LMO7: variants seen among roughly 807,000 people sequenced by gnomAD.
LMO7 encodes LIM domain 7, also known as LIM domain only protein 7.
LMO7 carries 120 observed loss-of-function variants against 206.5 expected under a neutral mutation model. The ratio of observed to expected loss-of-function variants is 0.58; its 90% CI spans 0.50 to 0.68. LMO7 has a LOEUF of 0.68. Ranked by LOEUF, LMO7 falls within the 30% of genes least tolerant of loss-of-function variation. LMO7 has a pLI of 0.00. For missense variants in LMO7, 1,959 were observed against 1,957.9 expected, an observed-to-expected ratio of 1.00 and a Z score of -0.01; for synonymous variants, 706 against 681.5, an observed-to-expected ratio of 1.04 and a Z score of -0.56.
chr13:75,806,127 A>G, intron 9 of LMO7: 1 of 1,030,172 alleles, frequency 9.7e-7, no homozygotes, highest in Non-Finnish European at 1.2e-6. Context: ...TTAGTAGAGC[A>G]CAAAAAGCAG....
In LMO7 at chr13:75,671,506, C is replaced by T. The variant is rs559971092; in HGVS notation, c.69+34780C>T. Among the ~76,000 whole-genome samples, 208 of 152,192 alleles carry T rather than the reference C, an allele frequency of 1.4e-3. 1 individual carries two copies. The highest frequency in any genetic ancestry group is 0.01 in the Middle Eastern group (3 of 292). ...GTGGTTTTGACCAGAACATCTTTATCCGGCGTGTGATTACTTTTCTGTCTC... is the reference window on the plus strand; with the variant it reads ...GTGGTTTTGACCAGAACATCTTTATTCGGCGTGTGATTACTTTTCTGTCTC... On this transcript the variant is annotated intron_variant, in intron 1 of 30. Transcript: ENST00000377534.
chr13:75,626,197 T>G (rs960202685), intron 2 of LMO7, among the ~76,000 whole-genome samples: 2 of 152,100 alleles, frequency 1.3e-5, no homozygotes, highest in African/African-American at 4.8e-5. Context: ...AAACATGAGA[T>G]CTACTGTATT....
intron 1 of LMO7, among the ~76,000 whole-genome samples, chr13:75,641,151 G>A (rs188321145): frequency 2.6e-5 from 4 of 152,302 alleles, no homozygotes; most frequent in South Asian, 2.1e-4. Flanking sequence ...AAGTTCATCC[G>A]GTGCATCGTG....
intron 1 of LMO7, among the ~76,000 whole-genome samples, chr13:75,675,036 T>C (rs972799071): frequency 6.6e-6 from 1 of 152,184 alleles, no homozygotes; most frequent in Non-Finnish European, 1.5e-5. Context: ...TCAGGTTAAA[T>C]TATAACAGAA....
exon 1 of LMO7, chr13:75,621,741 G>A (rs927070917): frequency 6.2e-7 from 1 of 1,608,970 alleles, no homozygotes; most frequent in African/African-American, 1.3e-5. Context: ...ACAGTTGGAT[G>A]TCCTATGATG....
intron 1 of LMO7, among the ~76,000 whole-genome samples, chr13:75,656,155 ACTGTGGGG>A (rs1464538360): frequency 2.0e-5 from 3 of 152,116 alleles, no homozygotes; most frequent in African/African-American, 7.2e-5. Context: ...GCAAAGCCTT[ACTGTGGGG>A]CTCTTCCACT....
At chr13:75,773,287 G>C (rs761260261) in intron 4 of LMO7, among the ~76,000 whole-genome samples, 5 of 152,112 alleles carry the variant, frequency 3.3e-5, no homozygotes, top group Non-Finnish European at 7.4e-5. Flanking sequence ...ATGAGAGGTA[G>C]GTTGGGACAA....
chr13:75,711,654 C>T lies in LMO7; in HGVS notation c.70-1528C>T, dbSNP rs114031935. Among the ~76,000 whole-genome samples the T allele has an allele frequency of 5.3e-3, 812 of 152,308 alleles. 6 individuals carry two copies. Among genetic ancestry groups the T allele is most frequent in the African/African-American group, 0.019 (782 of 41,570 alleles). Reference sequence around the variant, plus strand: ...GCACCCACTCCCCAGTGAGAGGAAGCCAGTACCTCAGTCGGAAATGCAGAA... The same window carrying T: ...GCACCCACTCCCCAGTGAGAGGAAGTCAGTACCTCAGTCGGAAATGCAGAA... On this transcript the variant is annotated intron_variant, in intron 1 of 30. Transcript: ENST00000377534.
Position 75,859,761 on chromosome 13 carries a change from G to C in LMO7, c.*1818G>C, listed in dbSNP as rs1469419887. 2.6e-5 allele frequency: 4 copies of C among 152,146 alleles called. No individual in the cohort carries two copies. The highest frequency in any genetic ancestry group is 9.7e-5 in the African/African-American group (4 of 41,424). The allele number at this position is 152,146 out of a possible 1,614,324, so 9.4% of individuals were successfully genotyped here. A position where few individuals can be genotyped will look rare whatever the true frequency, so the allele number is the denominator to read the frequency against. ...AGCACGTGGGCTTGTTCATCTCACT[G>C]CATGTTTATGAAGATACAGTTCTTT... On this transcript the variant is annotated 3_prime_UTR_variant, in exon 31 of 31. Coordinates refer to ENST00000377534, the MANE Select transcript of LMO7 (RefSeq NM_001306080.2).
rs1410358673 is a variant in LMO7 at position 75,669,310 on chromosome 13, G to A, written c.69+32584G>A. Among the ~76,000 whole-genome samples, 4 of 152,202 alleles carry A rather than the reference G, an allele frequency of 2.6e-5. No homozygotes were observed. In the East Asian group the frequency reaches 7.7e-4, roughly 29 times the overall value. ...AGCATTCATCGTACTTCCAGAAAACGTTGTGACCTACAAATAGTTAAATAT... is the reference window on the plus strand; with the variant it reads ...AGCATTCATCGTACTTCCAGAAAACATTGTGACCTACAAATAGTTAAATAT... On this transcript the variant is annotated intron_variant, in intron 1 of 30. Transcript: ENST00000377534.
intron 2 of LMO7, 148 bp from the exon 3 acceptor site, chr13:75,726,881 T>G: frequency 1.6e-6 from 1 of 639,980 alleles, no homozygotes; most frequent in East Asian, 2.9e-5. Context: ...AGACTTGATA[T>G]CTTGGTTATT....
chr13:75,661,867 G>A (rs923895514), intron 1 of LMO7, among the ~76,000 whole-genome samples: 4 of 152,130 alleles, frequency 2.6e-5, no homozygotes, highest in African/African-American at 9.6e-5. Flanking sequence ...ATTATTTAGG[G>A]TTACTTTTTT....
intron 4 of LMO7, among the ~76,000 whole-genome samples, chr13:75,768,598 G>A (rs1474120343): frequency 6.6e-6 from 1 of 151,970 alleles, no homozygotes; most frequent in Non-Finnish European, 1.5e-5. Context: ...AAACTAGTCA[G>A]TGACACCAAA....
At chr13:75,671,448 A>G (rs2039572142) in intron 1 of LMO7, among the ~76,000 whole-genome samples, 1 of 152,114 alleles carries the variant, frequency 6.6e-6, no homozygotes, top group South Asian at 2.1e-4. Context: ...GCTCCCTTGT[A>G]GTCTCATGAG....
intron 11 of LMO7, among the ~76,000 whole-genome samples, chr13:75,813,062 C>T (rs1375355357): frequency 2.6e-5 from 4 of 152,190 alleles, no homozygotes; most frequent in Non-Finnish European, 5.9e-5. Context: ...AGTGGTAGAA[C>T]CAGACTAGGG....
intron 4 of LMO7, 39 bp downstream of exon 4, chr13:75,761,077 T>TA: frequency 3.5e-6 from 3 of 868,828 alleles, no homozygotes; most frequent in Non-Finnish European, 5.0e-6. Context: ...ATATATATAT[T>TA]TAAACTTAGG....
At chr13:75,753,774 T>C (rs943066396) in intron 3 of LMO7, among the ~76,000 whole-genome samples, 4 of 152,234 alleles carry the variant, frequency 2.6e-5, no homozygotes, top group African/African-American at 9.6e-5. Flanking sequence ...TCCAGTCCTG[T>C]GGAACTGTGA....
chr13:75,709,876 G>C (rs1217320232), intron 1 of LMO7, among the ~76,000 whole-genome samples: 3 of 152,164 alleles, frequency 2.0e-5, no homozygotes, highest in African/African-American at 7.2e-5. Flanking sequence ...CCTTGCTGAT[G>C]CCTATGTCCT....
At chr13:75,816,135 C>A (rs1172225126) in intron 11 of LMO7, among the ~76,000 whole-genome samples, 2 of 152,214 alleles carry the variant, frequency 1.3e-5, no homozygotes, top group African/African-American at 4.8e-5. Flanking sequence ...TTAGAAATTA[C>A]AATTCCATGA....
Sources: gnomAD v4.1 joint callset for allele counts (sites outside exome capture counted in the v4.1 genomes callset) on GRCh38, gnomAD v4.1.1 for gene constraint, MANE v1.5 for transcripts, NCBI Gene and HGNC (gene_info 2026-07-23, HGNC 2026-07-21) for gene names.